FAT1: variants seen among roughly 807,000 people sequenced by gnomAD.
FAT1 encodes the protein FAT atypical cadherin 1.
Under a neutral mutation model 329.8 loss-of-function variants are expected in FAT1, and 171 were observed. The ratio of observed to expected loss-of-function variants is 0.52; its 90% CI spans 0.46 to 0.59. FAT1 has a LOEUF of 0.59. FAT1 is among the 20% of genes least tolerant of loss of function. The pLI is 0.00. For synonymous variants in FAT1, 2,233 were observed against 2,228.6 expected (o/e 1.00, Z -0.06); for missense variants, 5,672 against 5,774.4 (o/e 0.98, Z 0.57).
At chr4:186,726,070 C>T (rs1269975534), upstream of FAT1, among the ~76,000 whole-genome samples, 2 of 152,222 alleles carry the variant, frequency 1.3e-5, no homozygotes, top group African/African-American at 4.8e-5. Context: ...CCCTAGGCAC[C>T]ATTGCTATAA....
intron 1 of FAT1, among the ~76,000 whole-genome samples, chr4:186,721,434 A>C (rs1048004925): frequency 1.3e-5 from 2 of 152,256 alleles, no homozygotes; most frequent in Non-Finnish European, 2.9e-5. Flanking sequence ...TGAACAATTA[A>C]GTGAGACCAA....
chr4:186,588,745 A>T lies in FAT1; in HGVS notation c.13614T>A (p.Ser4538=), dbSNP rs1193654376. ...EAPAVESMPM[S]VYASTASCSD... ...AGCAGGAGGCGGTGGAGGCGTACAC[A>T]GACATGGGCATGCTCTCGACAGCGG... Residue 4538 remains serine, a synonymous_variant, in exon 27 of 27, where the codon TCT becomes TCA. Coordinates refer to ENST00000441802, the MANE Select transcript of FAT1 (RefSeq NM_005245.4). The T allele has an allele frequency of 6.2e-7, 1 of 1,613,972 alleles. No homozygotes were observed. Among genetic ancestry groups the T allele is most frequent in the Admixed American group, 1.7e-5 (1 of 60,016 alleles).
chr4:186,707,946 G>C lies in FAT1; in HGVS notation c.1882C>G (p.Arg628Gly), dbSNP rs766787268. 5 of 1,613,794 alleles carry C rather than the reference G, an allele frequency of 3.1e-6. No individual in the cohort carries two copies. Among genetic ancestry groups the C allele is most frequent in the African/African-American group, 1.3e-5 (1 of 74,894 alleles). Reference protein sequence around the residue: ...NPNSGVLSLKRSLMDGLGAKV... With the variant: ...NPNSGVLSLKGSLMDGLGAKV... ...GCACCTAAGCCATCCATTAGCGATC[G>C]CTTTAATGACAATACCCCCGAGTTG... The change falls in exon 2 of 27, where the codon CGA becomes GGA. Residue 628 changes from arginine to glycine, a missense_variant. Around this residue, in one of 2 missense-constraint regions of FAT1, gnomAD observed 3,966 missense variants for 3,915.2 expected, o/e 1.01. Coordinates refer to ENST00000441802, the MANE Select transcript of FAT1 (RefSeq NM_005245.4).
intron 1 of FAT1, among the ~76,000 whole-genome samples, chr4:186,722,993 C>A (rs902045219): frequency 6.6e-6 from 1 of 152,060 alleles, no homozygotes; most frequent in Non-Finnish European, 1.5e-5. Context: ...TTCACATCAG[C>A]GGGAACAAAA....
At position 186,706,985 on chromosome 4, in the gene FAT1, C is replaced by T. The variant is rs755629130; in HGVS notation, c.2843G>A (p.Trp948Ter). 1 of 1,614,002 alleles carries T rather than the reference C, an allele frequency of 6.2e-7. No homozygotes were observed. The highest frequency in any genetic ancestry group is 1.1e-5 in the South Asian group (1 of 91,082). ...EDLPEGTVIM[W>*]LEAHDPDLGQ... Reference sequence around the variant, plus strand: ...TAAATCAGGATCGTGGGCTTCTAACCACATGATGACGGTTCCTTCTGGAAG... The same window carrying T: ...TAAATCAGGATCGTGGGCTTCTAACTACATGATGACGGTTCCTTCTGGAAG... The change falls in exon 2 of 27, where the codon TGG (tryptophan) becomes TAG (stop). Residue 948 changes from tryptophan to a stop codon, truncating the protein, a stop_gained. Transcript: ENST00000441802. LOFTEE classifies it high-confidence loss of function.
chr4:186,722,274 G>A (rs1015014861), intron 1 of FAT1, among the ~76,000 whole-genome samples: 1 of 152,204 alleles, frequency 6.6e-6, no homozygotes, highest in Admixed American at 6.5e-5. Flanking sequence ...ATTTTATAAA[G>A]TCCTCTAACA....
Position 186,609,869 on chromosome 4 carries a change from C to T in FAT1, c.10000G>A (p.Val3334Met). The T allele has an allele frequency of 1.9e-6, 3 of 1,613,494 alleles. No individual in the cohort carries two copies. Among genetic ancestry groups the T allele is most frequent in the Non-Finnish European group, 2.5e-6 (3 of 1,179,638 alleles). ...NVTDINDNTP[V>M]FSQDTYTTVI... ...GTCGTGTAGGTGTCTTGGCTGAACA[C>T]AGGGGTATTATCGTTGATATCTGTT... Residue 3334 changes from valine to methionine, a missense_variant, in exon 15 of 27, where the codon GTG (valine) becomes ATG (methionine). Val to Met is a conservative substitution (Grantham distance 21, BLOSUM62 1). Around this residue, in one of 2 missense-constraint regions of FAT1, gnomAD observed 1,706 missense variants for 1,859.1 expected, o/e 0.92. Transcript: ENST00000441802.
intron 2 of FAT1, among the ~76,000 whole-genome samples, chr4:186,678,274 G>C (rs1743041734): frequency 6.6e-6 from 1 of 151,864 alleles, no homozygotes; most frequent in Admixed American, 6.6e-5. Flanking sequence ...AAGTAGCAGG[G>C]TGGTTACTAA....
chr4:186,605,653 G>C (rs1241510816), intron 17 of FAT1, among the ~76,000 whole-genome samples: 4 of 149,936 alleles, frequency 2.7e-5, no homozygotes, highest in African/African-American at 9.9e-5. Flanking sequence ...GAATGGAGAA[G>C]AGGTGGAGGG....
In FAT1 at chr4:186,597,012, G is replaced by A. The variant is rs1207284147; in HGVS notation, c.12528C>T (p.Asn4176=). The A allele has an allele frequency of 3.7e-6, 6 of 1,613,846 alleles. No homozygotes were observed. Among genetic ancestry groups the A allele is most frequent in the Non-Finnish European group, 5.1e-6 (6 of 1,179,908 alleles). Residue 4176 remains asparagine (N), a synonymous_variant, in exon 25 of 27, where the codon AAC becomes AAT. Coordinates refer to ENST00000441802, the MANE Select transcript of FAT1 (RefSeq NM_005245.4). Reference sequence around the variant, plus strand: ...TTCCAATTCCTTCCGCCAACCCAATGTTCCACGGCGTGGACACATACTGGT... The same window carrying A: ...TTCCAATTCCTTCCGCCAACCCAATATTCCACGGCGTGGACACATACTGGT... ...APNQYVSTPW[N]IGLAEGIGIV...
At chr4:186,631,455 T>G (rs1740588052) in intron 7 of FAT1, among the ~76,000 whole-genome samples, 1 of 146,522 alleles carries the variant, frequency 6.8e-6, no homozygotes, top group African/African-American at 2.6e-5. Flanking sequence ...TCCAGGTGAC[T>G]CCTCTGCTCT....
rs1415824354 is a variant in FAT1 at position 186,589,072 on chromosome 4, G to A, written c.13287C>T (p.Tyr4429=). 19 of 1,613,752 alleles carry A rather than the reference G, an allele frequency of 1.2e-5. No homozygotes were observed. The highest frequency in any genetic ancestry group is 1.5e-5 in the Non-Finnish European group (18 of 1,179,890). Residue 4429 remains tyrosine, a synonymous_variant, in exon 27 of 27, where the codon TAC becomes TAT. Transcript: ENST00000441802. ...AIDTDYYPGG[Y]DIESDFPPPP... is the part of the protein sequence containing the mutation. ...GTGGAGGAAAATCACTTTCGATGTCGTAGCCTCCAGGGTAATAGTCCGTAT... is the reference window on the plus strand; with the variant it reads ...GTGGAGGAAAATCACTTTCGATGTCATAGCCTCCAGGGTAATAGTCCGTAT...
intron 2 of FAT1, among the ~76,000 whole-genome samples, chr4:186,689,697 G>T (rs971018300): frequency 3.3e-5 from 5 of 152,148 alleles, no homozygotes; most frequent in African/African-American, 1.2e-4. Context: ...CCTTAGCCCA[G>T]GGTATCTGGC....
At position 186,620,479 on chromosome 4, in the gene FAT1, C is replaced by T. The variant is rs2126516057; in HGVS notation, c.6107G>A (p.Gly2036Asp). 2 of 1,613,988 alleles carry T rather than the reference C, an allele frequency of 1.2e-6. No individual in the cohort carries two copies. The highest frequency in any genetic ancestry group is 1.7e-6 in the Non-Finnish European group (2 of 1,179,900). The change falls in exon 10 of 27, where the codon GGC (glycine) becomes GAC (aspartate). Residue 2036 changes from glycine (G) to aspartate (D), a missense_variant. Gly to Asp is a moderately conservative substitution (Grantham distance 94). This residue lies in a region of FAT1 where 3,966 missense variants were observed against 3,915.2 expected (regional missense o/e 1.01). Coordinates refer to ENST00000441802, the MANE Select transcript of FAT1 (RefSeq NM_005245.4). ...CTGCTGCTCACGATCGAAGGGCGTG[C>T]CAGTGGTTGACAGAACTCCTGAAGT... ...SRTSGVLSTT[G>D]TPFDREQQEA...
intron 3 of FAT1, among the ~76,000 whole-genome samples, chr4:186,653,157 T>C (rs528980613): frequency 5.3e-4 from 80 of 152,330 alleles, no homozygotes; most frequent in African/African-American, 1.9e-3. Context: ...AAAGACCTGC[T>C]AAGTATACTT....
intron 3 of FAT1, among the ~76,000 whole-genome samples, chr4:186,662,788 G>A (rs1245295391): frequency 3.3e-5 from 5 of 152,044 alleles, no homozygotes; most frequent in South Asian, 2.1e-4. Context: ...GAGCATAATC[G>A]TAAAATAGCT....
At chr4:186,669,928 G>C (rs1157316969) in intron 2 of FAT1, among the ~76,000 whole-genome samples, 1 of 152,110 alleles carries the variant, frequency 6.6e-6, no homozygotes, top group African/African-American at 2.4e-5. Context: ...CCCTGCTGCT[G>C]TTAAGGAATA....
intron 2 of FAT1, among the ~76,000 whole-genome samples, chr4:186,695,640 A>G (rs1256830641): frequency 6.6e-6 from 1 of 152,158 alleles, no homozygotes; most frequent in African/African-American, 2.4e-5. Context: ...GTCAGTTCCT[A>G]AGTAAGTGAT....
intron 3 of FAT1, among the ~76,000 whole-genome samples, chr4:186,651,077 G>GA (rs1484812223): frequency 1.8e-5 from 1 of 55,272 alleles, no homozygotes; most frequent in Non-Finnish European, 3.6e-5. Flanking sequence ...ATTAATAATT[G>GA]ATAAATTATT....
Sources: gnomAD v4.1 joint callset for allele counts (sites outside exome capture counted in the v4.1 genomes callset) on GRCh38, gnomAD v4.1.1 for gene constraint, gnomAD v4.1.1 regional missense constraint, MANE v1.5 for transcripts, NCBI Gene and HGNC (gene_info 2026-07-23, HGNC 2026-07-21) for gene names.